LRMDA: variants seen among roughly 807,000 people sequenced by gnomAD.
The protein encoded by LRMDA is leucine-rich melanocyte differentiation-associated protein.
LRMDA carries 18 observed loss-of-function variants against 29.8 expected under a neutral mutation model. The ratio of observed to expected loss-of-function variants is 0.60; its 90% CI spans 0.42 to 0.90. The LOEUF (loss-of-function observed/expected upper bound fraction) is 0.90, where lower values mean the gene tolerates loss of function less well. LRMDA is among the 40% of genes least tolerant of loss of function. The pLI, the probability that LRMDA is intolerant of heterozygous loss-of-function variation, is 0.00. For missense variants in LRMDA, 273 were observed against 273.9 expected (o/e 1.00, Z 0.02); for synonymous variants, 125 against 109.4 (o/e 1.14, Z -0.89).
chr10:76,116,392 A>G (rs1054663608), intron 5 of LRMDA, among the ~76,000 whole-genome samples: 1 of 152,228 alleles, frequency 6.6e-6, no homozygotes, highest in East Asian at 1.9e-4. Context: ...CAGATAATCC[A>G]GATTACAGGT....
chr10:75,639,072 T>C (rs1453994965), intron 2 of LRMDA, among the ~76,000 whole-genome samples: 1 of 152,206 alleles, frequency 6.6e-6, no homozygotes, highest in Non-Finnish European at 1.5e-5. Context: ...TTTTGTTCCC[T>C]TTCTTAAGAA....
intron 2 of LRMDA, among the ~76,000 whole-genome samples, chr10:75,948,549 G>T (rs988322753): frequency 6.6e-6 from 1 of 152,170 alleles, no homozygotes; most frequent in African/African-American, 2.4e-5. Flanking sequence ...ACGTCCATCA[G>T]GAAACAAGGC....
intron 2 of LRMDA, among the ~76,000 whole-genome samples, chr10:75,754,215 A>G (rs375653548): frequency 6.6e-6 from 1 of 152,222 alleles, no homozygotes; most frequent in East Asian, 1.9e-4. Context: ...TCTAGGTTAT[A>G]CCCTGTGAAG....
At chr10:75,437,683 G>C (rs747339911) in intron 1 of LRMDA, among the ~76,000 whole-genome samples, 7 of 152,164 alleles carry the variant, frequency 4.6e-5, no homozygotes, top group Non-Finnish European at 8.8e-5. Context: ...GGCACATACA[G>C]GTACTTAATA....
intron 6 of LRMDA, among the ~76,000 whole-genome samples, chr10:76,403,060 A>C (rs1841865906): frequency 6.6e-6 from 1 of 151,742 alleles, no homozygotes; most frequent in South Asian, 2.1e-4. Flanking sequence ...TTTGTTCTGC[A>C]TGTTGCCCTT....
intron 2 of LRMDA, among the ~76,000 whole-genome samples, chr10:75,618,421 T>C (rs1359203050): frequency 6.8e-6 from 1 of 146,246 alleles, no homozygotes; most frequent in Non-Finnish European, 1.5e-5. Flanking sequence ...ACTATATATA[T>C]ATCAACTATA....
chr10:76,343,335 A>C (rs1237040045), intron 6 of LRMDA, among the ~76,000 whole-genome samples: 1 of 152,230 alleles, frequency 6.6e-6, no homozygotes, highest in Non-Finnish European at 1.5e-5. Flanking sequence ...ATAACTGCAT[A>C]CTCACTCCAA....
intron 2 of LRMDA, chr10:75,450,836 G>A (rs560671474): frequency 6.6e-6 from 1 of 152,384 alleles, no homozygotes; most frequent in Admixed American, 6.5e-5. Flanking sequence ...GGCATGGAGA[G>A]CTCAGTGCCC....
chr10:75,546,598 T>C (rs549694541), intron 2 of LRMDA, among the ~76,000 whole-genome samples: 1 of 152,336 alleles, frequency 6.6e-6, no homozygotes, highest in South Asian at 2.1e-4. Flanking sequence ...ATAAAATCTT[T>C]TTAATGGTAG....
intron 5 of LRMDA, among the ~76,000 whole-genome samples, chr10:76,068,789 A>G (rs938132127): frequency 6.6e-5 from 10 of 152,300 alleles, no homozygotes; most frequent in Middle Eastern, 3.4e-3. Flanking sequence ...TGCGGCTGAT[A>G]TGTACTTTCA....
At chr10:76,014,280 A>G (rs562992087) in intron 2 of LRMDA, among the ~76,000 whole-genome samples, 2 of 151,498 alleles carry the variant, frequency 1.3e-5, no homozygotes, top group East Asian at 2.0e-4. Context: ...TATATTTACT[A>G]TCTGGCTATT....
chr10:75,598,508 C>T (rs1217643238), intron 2 of LRMDA, among the ~76,000 whole-genome samples: 8 of 151,782 alleles, frequency 5.3e-5, no homozygotes, highest in Non-Finnish European at 1.2e-4. Context: ...GAGAGCTGTC[C>T]ATGACATCTC....
intron 2 of LRMDA, among the ~76,000 whole-genome samples, chr10:75,449,747 C>T (rs1844438385): frequency 6.6e-6 from 1 of 152,068 alleles, no homozygotes; most frequent in African/African-American, 2.4e-5. Flanking sequence ...GAGAACTTAT[C>T]TTCTTCTTTC....
chr10:76,245,845 A>G (rs1852366213), intron 5 of LRMDA, among the ~76,000 whole-genome samples: 3 of 152,244 alleles, frequency 2.0e-5, no homozygotes, highest in Admixed American at 2.0e-4. Flanking sequence ...AAAGACAACT[A>G]TGTATCATTC....
chr10:75,488,689 A>G (rs754338242), intron 2 of LRMDA, among the ~76,000 whole-genome samples: 2 of 152,062 alleles, frequency 1.3e-5, no homozygotes, highest in Non-Finnish European at 2.9e-5. Context: ...CACTGTCCCT[A>G]TGGTTCTGGA....
At chr10:76,535,538 T>G (rs1436115387) in intron 6 of LRMDA, among the ~76,000 whole-genome samples, 3 of 152,130 alleles carry the variant, frequency 2.0e-5, no homozygotes, top group Non-Finnish European at 4.4e-5. Flanking sequence ...GATAGAGACT[T>G]GAAAACTGCT....
At chr10:76,036,692 G>A (rs1848253158) in intron 3 of LRMDA, among the ~76,000 whole-genome samples, 1 of 152,172 alleles carries the variant, frequency 6.6e-6, no homozygotes, top group Non-Finnish European at 1.5e-5. Flanking sequence ...CTCTGGTGAT[G>A]AGAGGCCTAG....
intron 2 of LRMDA, among the ~76,000 whole-genome samples, chr10:75,448,916 C>T (rs1039028503): frequency 6.6e-6 from 1 of 152,172 alleles, no homozygotes; most frequent in Non-Finnish European, 1.5e-5. Context: ...CTTTGGGATA[C>T]TGAGGTGGGC....
At chr10:76,417,521 A>T (rs113400422) in intron 6 of LRMDA, among the ~76,000 whole-genome samples, 1 of 151,644 alleles carries the variant, frequency 6.6e-6, no homozygotes, top group Non-Finnish European at 1.5e-5. Context: ...AAACTCTCTC[A>T]TATCGCACCC....
Sources: allele counts gnomAD v4.1 joint callset (sites outside exome capture counted in the v4.1 genomes callset), GRCh38; gene constraint gnomAD v4.1.1; transcripts MANE v1.5; gene names NCBI Gene and HGNC (gene_info 2026-07-23, HGNC 2026-07-21).